Variants in PAPPA2 observed in about 807,000 individuals in gnomAD.
PAPPA2 encodes the protein pappalysin-2.
PAPPA2 carries 86 observed loss-of-function variants against 176.4 expected under a neutral mutation model. The observed-to-expected ratio is 0.49, with a 90% CI of 0.41 to 0.58. PAPPA2 has a LOEUF of 0.58. PAPPA2 is among the 20% of genes least tolerant of loss of function. PAPPA2 has a pLI of 0.00. For missense variants in PAPPA2, 2,073 were observed against 2,256.9 expected (o/e 0.92, Z 1.65); for synonymous variants, 809 against 852.2 (o/e 0.95, Z 0.88).
At chr1:176,502,396 TC>T (rs2102510520) in intron 1 of PAPPA2, among the ~76,000 whole-genome samples, 1 of 152,330 alleles carries the variant, frequency 6.6e-6, no homozygotes, top group East Asian at 1.9e-4. Flanking sequence ...ACTTATTCTA[TC>T]TAAAACTTTC....
intron 21 of PAPPA2, among the ~76,000 whole-genome samples, chr1:176,834,611 G>A (rs914794042): frequency 2.6e-5 from 4 of 152,170 alleles, no homozygotes; most frequent in African/African-American, 9.7e-5. Flanking sequence ...CCAAGTCTCC[G>A]AAGGAGCAAC....
intron 14 of PAPPA2, among the ~76,000 whole-genome samples, chr1:176,760,694 G>A (rs1306407026): frequency 2.1e-4 from 32 of 152,166 alleles, no homozygotes; most frequent in Non-Finnish European, 1.2e-4. Context: ...CATTATTGCA[G>A]GGCATTGCTA....
intron 2 of PAPPA2, among the ~76,000 whole-genome samples, chr1:176,571,113 G>A (rs1652303868): frequency 6.6e-6 from 1 of 152,146 alleles, no homozygotes; most frequent in South Asian, 2.1e-4. Context: ...TGGACGCATG[G>A]AGGACAATCT....
chr1:176,662,039 G>A (rs538373986), intron 3 of PAPPA2, among the ~76,000 whole-genome samples: 1 of 152,244 alleles, frequency 6.6e-6, no homozygotes, highest in East Asian at 1.9e-4. Flanking sequence ...GAAAACAAGA[G>A]CCGTGTCTTC....
chr1:176,575,454 A>T (rs946983276), intron 2 of PAPPA2, among the ~76,000 whole-genome samples: 6 of 152,170 alleles, frequency 3.9e-5, no homozygotes, highest in African/African-American at 1.4e-4. Flanking sequence ...TGTCACCCAG[A>T]GTGTAAAGTC....
chr1:176,493,484 G>A (rs1160947643), intron 1 of PAPPA2, among the ~76,000 whole-genome samples: 1 of 152,146 alleles, frequency 6.6e-6, no homozygotes, highest in African/African-American at 2.4e-5. Context: ...CTGGATTTAT[G>A]AATACCAATC....
chr1:176,588,994 A>G (rs1388076165), intron 2 of PAPPA2, among the ~76,000 whole-genome samples: 1 of 152,226 alleles, frequency 6.6e-6, no homozygotes, highest in Non-Finnish European at 1.5e-5. Context: ...AGTCGCACAT[A>G]GTAGACAAAT....
At chr1:176,535,932 C>T (rs1650045375) in intron 1 of PAPPA2, among the ~76,000 whole-genome samples, 1 of 152,142 alleles carries the variant, frequency 6.6e-6, no homozygotes. Flanking sequence ...TTTGTGCCTT[C>T]GATTTTGATG....
chr1:176,616,746 TTGTA>T, intron 3 of PAPPA2: 2 of 1,283,670 alleles, frequency 1.6e-6, no homozygotes, highest in Non-Finnish European at 2.2e-6. Flanking sequence ...TCTCATGTTC[TTGTA>T]TGTGACTTTC....
intron 3 of PAPPA2, among the ~76,000 whole-genome samples, chr1:176,629,976 T>C (rs1387258207): frequency 6.6e-6 from 1 of 152,000 alleles, no homozygotes; most frequent in Non-Finnish European, 1.5e-5. Flanking sequence ...GGAGAATCGC[T>C]TGAACCCAGG....
intron 17 of PAPPA2, among the ~76,000 whole-genome samples, chr1:176,787,475 A>T (rs1204553192): frequency 6.6e-6 from 1 of 151,996 alleles, no homozygotes; most frequent in Non-Finnish European, 1.5e-5. Context: ...ACCTCAAGAG[A>T]CCTGTCTGCC....
rs773263530 is a variant in PAPPA2 at position 176,710,016 on chromosome 1, A to G, written c.3491A>G (p.Asp1164Gly). 1.9e-6 allele frequency: 3 copies of G among 1,612,560 alleles called. No homozygotes were observed. The highest frequency in any genetic ancestry group is 2.5e-6 in the Non-Finnish European group (3 of 1,179,184). ...AGCCTTTGCTACATGTATGAGGGAG[A>G]TGGCATATGTGAACCTTTTGAGAGA... The part of the protein sequence containing the change: ...EPSLCYMYEG[D>G]GICEPFERKT... The change falls in exon 11 of 23, where the codon GAT becomes GGT. Residue 1164 changes from aspartate (D) to glycine (G), a missense_variant. Coordinates refer to ENST00000367662, the MANE Select transcript of PAPPA2 (RefSeq NM_020318.3).
intron 16 of PAPPA2, among the ~76,000 whole-genome samples, chr1:176,770,272 A>C (rs1664163973): frequency 6.6e-6 from 1 of 152,198 alleles, no homozygotes; most frequent in African/African-American, 2.4e-5. Context: ...CTATAATTGC[A>C]GATTCCTGAA....
chr1:176,827,451 G>A (rs532679587), intron 21 of PAPPA2, among the ~76,000 whole-genome samples: 2 of 152,112 alleles, frequency 1.3e-5, no homozygotes, highest in South Asian at 4.2e-4. Context: ...TTCCTGCTGG[G>A]GTTATTCTCC....
At chr1:176,586,926 C>T (rs2102638012) in intron 2 of PAPPA2, among the ~76,000 whole-genome samples, 1 of 152,260 alleles carries the variant, frequency 6.6e-6, no homozygotes. Flanking sequence ...AAAAGCTTTC[C>T]TATTTCTCCA....
chr1:176,668,694 TG>T, intron 3 of PAPPA2, among the ~76,000 whole-genome samples: 1 of 152,302 alleles, frequency 6.6e-6, no homozygotes, highest in African/African-American at 2.4e-5. Context: ...GAGAAAAGTC[TG>T]GATAGTGGTC....
intron 21 of PAPPA2, among the ~76,000 whole-genome samples, chr1:176,817,428 C>T (rs780618972): frequency 6.6e-6 from 1 of 151,994 alleles, no homozygotes; most frequent in Non-Finnish European, 1.5e-5. Context: ...CATTGAGAAG[C>T]CTGACACATT....
Position 176,666,077 on chromosome 1 carries a change from C to T in PAPPA2, c.1992-4893C>T, listed in dbSNP as rs1421396581. Among the ~76,000 whole-genome samples the T allele has an allele frequency of 2.9e-4, 44 of 152,136 alleles. 1 individual carries two copies. Among genetic ancestry groups the T allele is most frequent in the Admixed American group, 2.6e-3 (40 of 15,262 alleles). On this transcript the variant is annotated intron_variant, in intron 3 of 22. Coordinates refer to ENST00000367662, the MANE Select transcript of PAPPA2 (RefSeq NM_020318.3). Reference sequence around the variant, plus strand: ...GCATGGAGAGTGAGAAAAGAATGGACCACAAACAGAACCCTGGGAAATAAC... The same window carrying T: ...GCATGGAGAGTGAGAAAAGAATGGATCACAAACAGAACCCTGGGAAATAAC...
chr1:176,812,562 T>A (rs183366764), intron 21 of PAPPA2, among the ~76,000 whole-genome samples: 1 of 152,316 alleles, frequency 6.6e-6, no homozygotes, highest in East Asian at 1.9e-4. Context: ...AGGCATTGCT[T>A]ATTTTACAAT....
Sources: gnomAD v4.1 joint callset for allele counts (sites outside exome capture counted in the v4.1 genomes callset) on GRCh38, gnomAD v4.1.1 for gene constraint, MANE v1.5 for transcripts, NCBI Gene and HGNC (gene_info 2026-07-23, HGNC 2026-07-21) for gene names.